Variants in RPS6 observed in about 807,000 individuals in gnomAD.
The protein encoded by RPS6 is small ribosomal subunit protein eS6.
In RPS6, 1 loss-of-function variant was observed where a neutral mutation model predicts 27.1. That is an observed-to-expected ratio of 0.04 (90% confidence interval 0.01 to 0.18). RPS6 has a LOEUF of 0.18. Among genes scored for constraint, RPS6 ranks in the 10% least tolerant of loss-of-function variants. The pLI is 1.00. For missense variants in RPS6, 259 were observed against 319.1 expected, an observed-to-expected ratio of 0.81 and a Z score of 1.44; for synonymous variants, 152 against 106.0, an observed-to-expected ratio of 1.43 and a Z score of -2.66.
Position 19,376,182 on chromosome 9 carries a change from C to T in RPS6, c.*111G>A. The stretch of plus-strand genomic sequence containing the variant: ...ATTGGAATACCATATATACATATCC[C>T]CATTTTCTATGACCTAACTTTCCCT... On this transcript the variant is annotated 3_prime_UTR_variant, in exon 6 of 6. Transcript: ENST00000380394. 1 of 899,820 alleles carries T rather than the reference C, an allele frequency of 1.1e-6. No individual in the cohort carries two copies. Among genetic ancestry groups the T allele is most frequent in the South Asian group, 1.6e-5 (1 of 61,594 alleles). The allele number at this position is 899,820 out of a possible 1,614,324, so 55.7% of individuals were successfully genotyped here. A position where few individuals can be genotyped will look rare whatever the true frequency, so the allele number is the denominator to read the frequency against.
intron 1 of RPS6, chr9:19,379,957 T>G (rs1002877675): frequency 7.0e-7 from 1 of 1,438,200 alleles, no homozygotes; most frequent in Non-Finnish European, 9.1e-7. Flanking sequence ...CCGTCCCGGC[T>G]GGGCGCGGGG....
rs916943086 is a variant in RPS6 at position 19,378,598 on chromosome 9, T to C, written c.350-84A>G. ...AGAATGTTTAATGTTGAATTGATGG[T>C]AGAGAAACAAATCCATTGGTCTGTA... is the stretch of plus-strand genomic sequence containing the variant. On this transcript the variant is annotated intron_variant, in intron 3 of 5. Transcript: ENST00000380394. The C allele has an allele frequency of 3.2e-6, 5 of 1,577,432 alleles. No individual in the cohort carries two copies. In the African/African-American group the frequency reaches 5.4e-5, roughly 17 times the overall value.
In RPS6 at chr9:19,376,246, C is replaced by A; in HGVS notation, c.*47G>T. 1 of 1,481,156 alleles carries A rather than the reference C, an allele frequency of 6.8e-7. No homozygotes were observed. The highest frequency in any genetic ancestry group is 1.2e-5 in the South Asian group (1 of 83,722). The allele number at this position is 1,481,156 out of a possible 1,614,324, so 91.8% of individuals were successfully genotyped here. On this transcript the variant is annotated 3_prime_UTR_variant, in exon 6 of 6. Transcript: ENST00000380394. ...TAGTTTTCTATCAGCAATGAAAAGTCAACAGAGATCAGAGTCTGATCTTAT... is the reference window on the plus strand; with the variant it reads ...TAGTTTTCTATCAGCAATGAAAAGTAAACAGAGATCAGAGTCTGATCTTAT...
At position 19,379,529 on chromosome 9, in the gene RPS6, C is replaced by A. The variant is rs757760844; in HGVS notation, c.96G>T (p.Met32Ile). ...RKLRTFYEKR[M>I]ATEVAADALG... Reference sequence around the variant, plus strand: ...GAGCGTCAGCAGCAACTTCTGTGGCCATACGCTTCTCATAGAAAGTACGAA... The same window carrying A: ...GAGCGTCAGCAGCAACTTCTGTGGCAATACGCTTCTCATAGAAAGTACGAA... The change falls in exon 2 of 6, where the codon ATG becomes ATT. Residue 32 changes from methionine (M) to isoleucine (I), a missense_variant. This residue lies in a region of RPS6 where 65 missense variants were observed against 66.6 expected (regional missense o/e 0.98). Coordinates refer to ENST00000380394, the MANE Select transcript of RPS6 (RefSeq NM_001010.3). 6.2e-7 allele frequency: 1 copy of A among 1,614,176 alleles called. No homozygotes were observed. The highest frequency in any genetic ancestry group is 8.5e-7 in the Non-Finnish European group (1 of 1,180,030).
chr9:19,379,309 C>G (rs764900402), intron 2 of RPS6, 178 bp downstream of exon 2: 2 of 1,488,384 alleles, frequency 1.3e-6, no homozygotes, highest in Non-Finnish European at 1.8e-6. Context: ...TATTTTATGG[C>G]TTACTCTACG....
chr9:19,380,063 TCTC>T, intron 1 of RPS6, 124 bp downstream of exon 1: 5 of 1,597,822 alleles, frequency 3.1e-6, no homozygotes, highest in Non-Finnish European at 4.3e-6. Flanking sequence ...AGGCGAGCCT[TCTC>T]CTACTTGAGA....
chr9:19,380,160 C>T (rs371399724), intron 1 of RPS6, 30 bp downstream of exon 1: 9 of 1,614,014 alleles, frequency 5.6e-6, no homozygotes, highest in South Asian at 1.1e-5. Context: ...GTTCCCCAAA[C>T]CCAGTCTAAC....
At position 19,376,256 on chromosome 9, in the gene RPS6, CAG is replaced by C. The variant is rs1234635351; in HGVS notation, c.*35_*36del. The C allele has an allele frequency of 2.0e-5, 30 of 1,528,886 alleles. No individual in the cohort carries two copies. Among genetic ancestry groups the C allele is most frequent in the Non-Finnish European group, 2.6e-5 (29 of 1,115,080 alleles). 94.7% of individuals were successfully genotyped at this position (1,528,886 alleles called of 1,614,324 possible). A position where few individuals can be genotyped will look rare whatever the true frequency, so the allele number is the denominator to read the frequency against. ...TCAGCAATGAAAAGTCAACAGAGAT[CAG>C]AGTCTGATCTTATTTATTTGTTACT... On this transcript the variant is annotated 3_prime_UTR_variant, in exon 6 of 6. Transcript: ENST00000380394.
chr9:19,379,229 G>A, intron 2 of RPS6: 2 of 1,298,684 alleles, frequency 1.5e-6, no homozygotes, highest in Non-Finnish European at 1.0e-6. Context: ...GGGATTATGA[G>A]GACAGCTATG....
chr9:19,379,855 G>A (rs1160116946), intron 1 of RPS6: 7 of 1,423,900 alleles, frequency 4.9e-6, no homozygotes, highest in East Asian at 5.1e-5. Context: ...TGGGGGCGAG[G>A]GCACTCCGCA....
rs374917859 is a variant in RPS6 at position 19,379,633 on chromosome 9, G to A, written c.7-15C>T. 3.1e-6 allele frequency: 5 copies of A among 1,607,116 alleles called. No homozygotes were observed. In the African/African-American group the frequency reaches 5.4e-5, roughly 17 times the overall value. On this transcript the variant is annotated splice_polypyrimidine_tract_variant and intron_variant, in intron 1 of 5. Transcript: ENST00000380394. ...GAGATGTTCAGCTAAGGATTAAAAG[G>A]GGGGAAATAGTTTACGAAACTATCT...
In RPS6 at chr9:19,378,614, T is replaced by A. The variant is rs920422408; in HGVS notation, c.349+94A>T. On this transcript the variant is annotated intron_variant, in intron 3 of 5. Transcript: ENST00000380394. ...AATTGATGGTAGAGAAACAAATCCA[T>A]TGGTCTGTAAGTCTGGATACTGCAA... 4.5e-6 allele frequency: 7 copies of A among 1,570,792 alleles called. 1 individual carries two copies. The Admixed American group carries it at 1.0e-4, about 23-fold the overall frequency.
chr9:19,376,702 A>G (rs748314692), intron 4 of RPS6, 51 bp from the exon 5 acceptor site: 1 of 1,546,914 alleles, frequency 6.5e-7, no homozygotes, highest in Admixed American at 2.0e-5. Flanking sequence ...GTTAGAATCC[A>G]CATCTACTTT....
At position 19,376,225 on chromosome 9, in the gene RPS6, T is replaced by G; in HGVS notation, c.*68A>C. 7.5e-7 allele frequency: 1 copy of G among 1,330,762 alleles called. No homozygotes were observed. The highest frequency in any genetic ancestry group is 1.1e-6 in the Non-Finnish European group (1 of 945,428). The allele number at this position is 1,330,762 out of a possible 1,614,324, so 82.4% of individuals were successfully genotyped here. A position where few individuals can be genotyped will look rare whatever the true frequency, so the allele number is the denominator to read the frequency against. On this transcript the variant is annotated 3_prime_UTR_variant, in exon 6 of 6. Transcript: ENST00000380394. ...CTTTCCCTCTCTTCATTTATGTAGTTTTCTATCAGCAATGAAAAGTCAACA... is the reference window on the plus strand; with the variant it reads ...CTTTCCCTCTCTTCATTTATGTAGTGTTCTATCAGCAATGAAAAGTCAACA...
At chr9:19,379,352 T>G (rs1207431755) in intron 2 of RPS6, 135 bp downstream of exon 2, 2 of 1,546,912 alleles carry the variant, frequency 1.3e-6, no homozygotes, top group African/African-American at 2.7e-5. Context: ...TCTAACTTTA[T>G]AAAGTGGCAT....
Position 19,376,048 on chromosome 9 carries a change from G to T in RPS6, c.*245C>A. On this transcript the variant is annotated 3_prime_UTR_variant, in exon 6 of 6. Transcript: ENST00000380394. ...GTTCCATGCCATTCTGAAGAGGCAG[G>T]TGTCTTATGCTCAGAATCCCTTCCT... 1.0e-5 allele frequency: 4 copies of T among 381,382 alleles called. No homozygotes were observed. The highest frequency in any genetic ancestry group is 7.4e-4 in the Middle Eastern group (1 of 1,344). 23.6% of individuals were successfully genotyped at this position (381,382 alleles called of 1,614,324 possible).
At chr9:19,379,319 G>GT in intron 2 of RPS6, 168 bp downstream of exon 2, 1 of 1,504,102 alleles carries the variant, frequency 6.6e-7, no homozygotes. Context: ...CTTACTCTAC[G>GT]TCCCCCCCTC....
rs367683212 is a variant in RPS6 at position 19,378,537 on chromosome 9, A to C, written c.350-23T>G. On this transcript the variant is annotated intron_variant, in intron 3 of 5. Coordinates refer to ENST00000380394, the MANE Select transcript of RPS6 (RefSeq NM_001010.3). Reference sequence around the variant, plus strand: ...CTCCTTAGAAGAAACAGTTGAAGAGATTTTAATTCAACAACTTCCTTAAGA... The same window carrying C: ...CTCCTTAGAAGAAACAGTTGAAGAGCTTTTAATTCAACAACTTCCTTAAGA... The C allele has an allele frequency of 2.6e-5, 42 of 1,605,476 alleles. No homozygotes were observed. The African/African-American group carries it at 4.0e-4, about 15-fold the overall frequency.
At position 19,380,176 on chromosome 9, in the gene RPS6, C is replaced by A. The variant is rs769690365; in HGVS notation, c.6+14G>T. 1.2e-6 allele frequency: 2 copies of A among 1,614,148 alleles called. No individual in the cohort carries two copies. The highest frequency in any genetic ancestry group is 1.1e-5 in the South Asian group (1 of 91,084). On this transcript the variant is annotated intron_variant, in intron 1 of 5. Transcript: ENST00000380394. ...TTCCCCAAACCCAGTCTAACACTCGCCACCATCACCTACCTTCATCTTGAA... is the reference window on the plus strand; with the variant it reads ...TTCCCCAAACCCAGTCTAACACTCGACACCATCACCTACCTTCATCTTGAA...
Sources: allele counts gnomAD v4.1 joint callset, GRCh38; gene constraint gnomAD v4.1.1; regional missense constraint gnomAD v4.1.1; transcripts MANE v1.5; gene names NCBI Gene and HGNC (gene_info 2026-07-23, HGNC 2026-07-21).